Variants in TTN observed in about 807,000 individuals in gnomAD.
The protein encoded by TTN is titin.
In TTN, 1,525 loss-of-function variants were observed where a neutral mutation model predicts 3,223.0. That is an observed-to-expected ratio of 0.47 (90% CI 0.45 to 0.49). TTN has a LOEUF of 0.49. TTN is among the 20% of genes least tolerant of loss of function. The probability of loss-of-function intolerance (pLI) is 0.00; values close to 1 mark genes in which losing one functional copy is unlikely to be tolerated. For synonymous variants in TTN, 14,094 were observed against 15,161.0 expected, an observed-to-expected ratio of 0.93 and a Z score of 5.17; for missense variants, 40,786 against 43,424.0, an observed-to-expected ratio of 0.94 and a Z score of 5.40.
chr2:178,671,761 T>C (rs1367373373), intron 155 of TTN, among the ~76,000 whole-genome samples: 2 of 151,806 alleles, frequency 1.3e-5, no homozygotes, highest in Non-Finnish European at 3.0e-5. Flanking sequence ...AGTGACCTCC[T>C]TAGATAAGTA....
Position 178,734,763 on chromosome 2 carries a change from C to T in TTN, c.15161G>A (p.Cys5054Tyr). 6.2e-7 allele frequency: 1 copy of T among 1,613,674 alleles called. No individual in the cohort carries two copies. Among genetic ancestry groups the T allele is most frequent in the Non-Finnish European group, 8.5e-7 (1 of 1,179,668 alleles). The change falls in exon 51 of 363, where the codon TGT (cysteine) becomes TAT (tyrosine). Residue 5054 changes from cysteine to tyrosine, a missense_variant. Physicochemically the swap from Cys to Tyr is radical, Grantham distance 194. Transcript: ENST00000589042. Reference sequence around the variant, plus strand: ...ACTGCCGACGTCATTCACTGCTTCACATGAGTAACTCCCACTGTCTTCAAC... The same window carrying T: ...ACTGCCGACGTCATTCACTGCTTCATATGAGTAACTCCCACTGTCTTCAAC... ...VKVEDSGSYS[C>Y]EAVNDVGSDS...
chr2:178,691,567 C>T lies in TTN; in HGVS notation c.31762+449G>A, dbSNP rs538226836. On this transcript the variant is annotated intron_variant, in intron 121 of 362. Coordinates refer to ENST00000589042, the MANE Select transcript of TTN (RefSeq NM_001267550.2). ...CTTTTAAGAAGCGTGGTACTATGTA[C>T]GTCTTTATGTAATTAACATTCAGTT... Among the ~76,000 whole-genome samples, 12 of 152,250 alleles carry T rather than the reference C, an allele frequency of 7.9e-5. No individual in the cohort carries two copies. In the East Asian group the frequency reaches 1.7e-3, roughly 22 times the overall value.
Position 178,560,614 on chromosome 2 carries a change from C to T in TTN, c.85518G>A (p.Gln28506=). Reference sequence around the variant, plus strand: ...ACTTGGTTACTTTACAGGATGTCATCTGTAACTCTCCTTCACATATTGTCC... The same window carrying T: ...ACTTGGTTACTTTACAGGATGTCATTTGTAACTCTCCTTCACATATTGTCC... The part of the protein sequence containing the change: ...LAWTICEGEL[Q]MTSCKVTKLL... The change falls in exon 326 of 363, where the codon CAG becomes CAA. Residue 28506 remains glutamine (Q), a synonymous_variant. Transcript: ENST00000589042. 6.2e-7 allele frequency: 1 copy of T among 1,613,540 alleles called. No homozygotes were observed. The highest frequency in any genetic ancestry group is 8.5e-7 in the Non-Finnish European group (1 of 1,179,784).
chr2:178,735,800 C>T lies in TTN; in HGVS notation c.14646G>A (p.Leu4882=). The change falls in exon 50 of 363, where the codon TTG becomes TTA. Residue 4882 remains leucine, a synonymous_variant. Transcript: ENST00000589042. ...KFGADICQAE[L]IIIDKPHFIK... is the part of the protein sequence containing the mutation. Reference sequence around the variant, plus strand: ...TGAAATGTGGCTTATCAATGATGATCAACTCTGCTTGGCAGATGTCTGCTC... The same window carrying T: ...TGAAATGTGGCTTATCAATGATGATTAACTCTGCTTGGCAGATGTCTGCTC... 1.2e-6 allele frequency: 2 copies of T among 1,613,710 alleles called. No individual in the cohort carries two copies. Among genetic ancestry groups the T allele is most frequent in the Non-Finnish European group, 1.7e-6 (2 of 1,179,802 alleles).
In TTN at chr2:178,567,677, C is replaced by T; in HGVS notation, c.78455G>A (p.Gly26152Asp). 1 of 1,612,442 alleles carries T rather than the reference C, an allele frequency of 6.2e-7. No homozygotes were observed. Among genetic ancestry groups the T allele is most frequent in the Admixed American group, 1.7e-5 (1 of 59,920 alleles). Reference sequence around the variant, plus strand: ...TTCATATCTTTGATCTTCAGTAAGACCTGACACAGTAAATTGAGTTTCAAT... The same window carrying T: ...TTCATATCTTTGATCTTCAGTAAGATCTGACACAGTAAATTGAGTTTCAAT... ...NVIETQFTVS[G>D]LTEDQRYEFR... The change falls in exon 326 of 363, where the codon GGT becomes GAT. Residue 26152 changes from glycine (G) to aspartate (D), a missense_variant. Coordinates refer to ENST00000589042, the MANE Select transcript of TTN (RefSeq NM_001267550.2).
At position 178,550,212 on chromosome 2, in the gene TTN, C is replaced by A; in HGVS notation, c.91626G>T (p.Glu30542Asp). The A allele has an allele frequency of 6.2e-7, 1 of 1,613,636 alleles. No individual in the cohort carries two copies. Among genetic ancestry groups the A allele is most frequent in the Non-Finnish European group, 8.5e-7 (1 of 1,179,676 alleles). The change falls in exon 337 of 363, where the codon GAG becomes GAT. Residue 30542 changes from glutamate to aspartate, a missense_variant. By Grantham distance (45) the Glu-to-Asp change is conservative. Coordinates refer to ENST00000589042, the MANE Select transcript of TTN (RefSeq NM_001267550.2). ...GTACCAAAGCTTTAATTCTAAGGCTCTCTCCGGACTTAATAATGAGACCAT... is the reference window on the plus strand; with the variant it reads ...GTACCAAAGCTTTAATTCTAAGGCTATCTCCGGACTTAATAATGAGACCAT... ...YFDGLIIKSGESLRIKALVQG... is the reference protein window; with the variant it reads ...YFDGLIIKSGDSLRIKALVQG...
At chr2:178,697,201 A>C in intron 112 of TTN, 33 bp from the exon 113 acceptor site, 1 of 1,473,672 alleles carries the variant, frequency 6.8e-7, no homozygotes, top group Non-Finnish European at 9.1e-7. Context: ...ATGTGTGTTT[A>C]TTTTTAGATT....
Position 178,548,105 on chromosome 2 carries a change from T to C in TTN, c.93521A>G (p.Glu31174Gly). ...GHTKQLTFTV[E>G]RLVEKTEYEF... ...ATATTCAGTTTTCTCAACAAGACGC[T>C]CTACTGTGAAAGTTAGCTGTTTGGT... Residue 31174 changes from glutamate (E) to glycine (G), a missense_variant, in exon 339 of 363, where the codon GAG becomes GGG. Coordinates refer to ENST00000589042, the MANE Select transcript of TTN (RefSeq NM_001267550.2). The surrounding 1 kb of genome is among the most constrained non-coding windows in gnomAD (Gnocchi z 4.3). The C allele has an allele frequency of 2.5e-6, 4 of 1,613,858 alleles. No homozygotes were observed. Among genetic ancestry groups the C allele is most frequent in the Non-Finnish European group, 3.4e-6 (4 of 1,179,786 alleles).
In TTN at chr2:178,573,981, C is replaced by T. The variant is rs1443600141; in HGVS notation, c.72151G>A (p.Ala24051Thr). 10 of 1,613,250 alleles carry T rather than the reference C, an allele frequency of 6.2e-6. No homozygotes were observed. The highest frequency in any genetic ancestry group is 6.8e-6 in the Non-Finnish European group (8 of 1,179,612). ...GGAGGTGGGCGGCCTGAAACATCAGCTTCCAGTCTGAATGCTTCACCTGCT... is the reference window on the plus strand; with the variant it reads ...GGAGGTGGGCGGCCTGAAACATCAGTTTCCAGTCTGAATGCTTCACCTGCT... ...LKAGEAFRLE[A>T]DVSGRPPPTM... is the part of the protein sequence containing the mutation. The change falls in exon 326 of 363, where the codon GCT (alanine) becomes ACT (threonine). Residue 24051 changes from alanine to threonine, a missense_variant. Transcript: ENST00000589042.
chr2:178,724,667 G>T, intron 71 of TTN, 129 bp from the exon 72 acceptor site: 1 of 885,840 alleles, frequency 1.1e-6, no homozygotes, highest in Non-Finnish European at 1.5e-6. Context: ...CGACTTTAAA[G>T]TGTGATTCCA....
At position 178,594,559 on chromosome 2, in the gene TTN, C is replaced by T. The variant is rs1559625655; in HGVS notation, c.57935G>A (p.Gly19312Asp). The T allele has an allele frequency of 4.3e-6, 7 of 1,613,236 alleles. No individual in the cohort carries two copies. Among genetic ancestry groups the T allele is most frequent in the Non-Finnish European group, 5.1e-6 (6 of 1,179,476 alleles). ...TLTWNPPKYD[G>D]GSEIINYVLE... is the part of the protein sequence containing the mutation. ...GACATAGTTAATAATTTCTGACCCA[C>T]CATCATACTTAGGAGGATTCCAAGT... The change falls in exon 296 of 363, where the codon GGT (glycine) becomes GAT (aspartate). Residue 19312 changes from glycine to aspartate, a missense_variant. Gly to Asp is a moderately conservative substitution (Grantham distance 94, BLOSUM62 -1). Transcript: ENST00000589042.
In TTN at chr2:178,684,925, T is replaced by C; in HGVS notation, c.32535A>G (p.Glu10845=). 6.2e-7 allele frequency: 1 copy of C among 1,608,730 alleles called. No homozygotes were observed. Among genetic ancestry groups the C allele is most frequent in the Non-Finnish European group, 8.5e-7 (1 of 1,177,234 alleles). Residue 10845 remains glutamate (E), a synonymous_variant, in exon 130 of 363, where the codon GAA becomes GAG. Coordinates refer to ENST00000589042, the MANE Select transcript of TTN (RefSeq NM_001267550.2). ...KKVPAPVPKK[E]KVPPPKVPEE... ...ATATACCTTTAGGTGGGGGCACCTT[T>C]TCCTTTTTAGGAACTGGAGCAGGAA...
At chr2:178,749,695 GT>G in intron 47 of TTN, 1 of 1,612,948 alleles carries the variant, frequency 6.2e-7, no homozygotes. Flanking sequence ...CCCCTGAATT[GT>G]TTTCAGCAAC....
chr2:178,581,993 A>G lies in TTN; in HGVS notation c.66376T>C (p.Tyr22126His), dbSNP rs1447894010. The G allele has an allele frequency of 7.4e-6, 12 of 1,613,296 alleles. No individual in the cohort carries two copies. In the Middle Eastern group the frequency reaches 9.9e-4, roughly 133 times the overall value. Reference sequence around the variant, plus strand: ...TTTATAGCTGTAACACGGAACTCATATTCGGTACCTTCTTGAAGACCTGTT... The same window carrying G: ...TTTATAGCTGTAACACGGAACTCATGTTCGGTACCTTCTTGAAGACCTGTT... ...KATGLQEGTE[Y>H]EFRVTAINKA... The change falls in exon 315 of 363, where the codon TAT (tyrosine) becomes CAT (histidine). Residue 22126 changes from tyrosine (Y) to histidine (H), a missense_variant. By Grantham distance (83) the Tyr-to-His change is moderately conservative. Transcript: ENST00000589042.
chr2:178,805,788 G>A (rs747257552), intron 1 of TTN, among the ~76,000 whole-genome samples: 8 of 152,106 alleles, frequency 5.3e-5, no homozygotes, highest in South Asian at 4.1e-4. Flanking sequence ...ATGGAAGGCT[G>A]GTGTAAAATG....
rs543506832 is a variant in TTN, at chr2:178,577,079, A to G, written c.69256T>C (p.Leu23086=). ...ATATCTTCAGAAACCACTGTCCACA[A>G]AAGTCGGCTGGTTTCTCTCTTTTCA... ...ILEKRETSRL[L]WTVVSEDIQS... Residue 23086 remains leucine (L), a synonymous_variant, in exon 324 of 363, where the codon TTG becomes CTG. Transcript: ENST00000589042. 6.2e-7 allele frequency: 1 copy of G among 1,613,360 alleles called. No individual in the cohort carries two copies. Among genetic ancestry groups the G allele is most frequent in the African/African-American group, 1.3e-5 (1 of 74,992 alleles).
chr2:178,690,124 C>A (rs1393994140), intron 121 of TTN, among the ~76,000 whole-genome samples: 1 of 152,102 alleles, frequency 6.6e-6, no homozygotes, highest in Non-Finnish European at 1.5e-5. Flanking sequence ...AGTTATGTAA[C>A]AAAGTTGTGC....
intron 330 of TTN, 83 bp downstream of exon 330, chr2:178,556,765 T>C (rs1701676647): frequency 6.7e-7 from 1 of 1,491,906 alleles, no homozygotes. Context: ...TAAAAGTTAT[T>C]CTATAGGATT....
chr2:178,635,373 T>C (rs1037624423), intron 227 of TTN, 67 bp downstream of exon 227: 2 of 1,607,062 alleles, frequency 1.2e-6, no homozygotes, highest in Admixed American at 1.7e-5. Flanking sequence ...TTTATGTGTT[T>C]TGGTGTGTTA....
Sources: gnomAD v4.1 joint callset for allele counts (sites outside exome capture counted in the v4.1 genomes callset) on GRCh38, gnomAD v4.1.1 for gene constraint, Gnocchi (gnomAD v3.1) non-coding constraint, MANE v1.5 for transcripts, NCBI Gene and HGNC (gene_info 2026-07-23, HGNC 2026-07-21) for gene names.